Variants in PTPRD observed in about 807,000 individuals in gnomAD.
The protein encoded by PTPRD is protein tyrosine phosphatase receptor type D, also known as receptor-type tyrosine-protein phosphatase delta.
In PTPRD, 34 loss-of-function variants were observed where a neutral mutation model predicts 214.5. The observed-to-expected ratio is 0.16, with a 90% CI of 0.12 to 0.21. The LOEUF (loss-of-function observed/expected upper bound fraction) is 0.21, where lower values mean the gene tolerates loss of function less well. Among genes scored for constraint, PTPRD ranks in the 10% least tolerant of loss-of-function variants. The pLI is 1.00. For synonymous variants in PTPRD, 1,128 were observed against 845.7 expected (o/e 1.33, Z -5.79); for missense variants, 2,545 against 2,398.7 (o/e 1.06, Z -1.27).
At chr9:10,261,955 T>C (rs2154376325) in intron 3 of PTPRD, among the ~76,000 whole-genome samples, 1 of 152,204 alleles carries the variant, frequency 6.6e-6, no homozygotes, top group Middle Eastern at 3.4e-3. Flanking sequence ...AGGAGAAATA[T>C]ATAGATTCAG....
chr9:9,403,888 T>C (rs1288903841), intron 8 of PTPRD, among the ~76,000 whole-genome samples: 3 of 151,846 alleles, frequency 2.0e-5, no homozygotes, highest in African/African-American at 7.3e-5. Context: ...AGATAATTAG[T>C]GAAATGGAGA....
intron 8 of PTPRD, among the ~76,000 whole-genome samples, chr9:9,507,462 T>C (rs1011339685): frequency 6.6e-6 from 1 of 150,956 alleles, no homozygotes; most frequent in Non-Finnish European, 1.5e-5. Context: ...AAAATAAAAA[T>C]ACTCAGCTGA....
intron 9 of PTPRD, among the ~76,000 whole-genome samples, chr9:9,304,343 T>C (rs904167897): frequency 6.6e-6 from 1 of 152,150 alleles, no homozygotes; most frequent in African/African-American, 2.4e-5. Flanking sequence ...TCAAAGAACA[T>C]GACATTTGAG....
chr9:9,013,214 A>G (rs1488006170), intron 11 of PTPRD, among the ~76,000 whole-genome samples: 8 of 152,030 alleles, frequency 5.3e-5, no homozygotes, highest in Admixed American at 5.2e-4. Context: ...AGAATGACTG[A>G]ACTCCGATGA....
At chr9:8,960,017 T>A (rs568486137) in intron 11 of PTPRD, among the ~76,000 whole-genome samples, 1 of 152,038 alleles carries the variant, frequency 6.6e-6, no homozygotes, top group Non-Finnish European at 1.5e-5. Flanking sequence ...TAACGGTTGA[T>A]TTTACAGAAA....
chr9:9,137,479 G>A lies in PTPRD; in HGVS notation c.-143+45825C>T, dbSNP rs548690375. On this transcript the variant is annotated intron_variant, in intron 10 of 45. Coordinates refer to ENST00000381196, the MANE Select transcript of PTPRD (RefSeq NM_002839.4). ...AGTTTTTCTGTCTGAATATATAGGA[G>A]ACTGAATGAAGAGATATATAACCCC... is the stretch of plus-strand genomic sequence containing the variant. Among the ~76,000 whole-genome samples the A allele has an allele frequency of 3.3e-5, 5 of 152,152 alleles. No homozygotes were observed. In the South Asian group the frequency reaches 1.0e-3, roughly 32 times the overall value.
Position 9,282,521 on chromosome 9 carries a change from TGTGA to T in PTPRD, c.-202-99162_-202-99159del, listed in dbSNP as rs1487555278. Among the ~76,000 whole-genome samples, 17 of 151,576 alleles carry T rather than the reference TGTGA, an allele frequency of 1.1e-4. No individual in the cohort carries two copies. The East Asian group carries it at 2.4e-3, about 21-fold the overall frequency. ...GTTTTAGTTTTTCTGCTCTTGTTTA[TGTGA>T]GTATTTAAATTTGTATAAATTCAGT... On this transcript the variant is annotated intron_variant, in intron 9 of 45. Coordinates refer to ENST00000381196, the MANE Select transcript of PTPRD (RefSeq NM_002839.4).
intron 8 of PTPRD, among the ~76,000 whole-genome samples, chr9:9,538,436 A>C (rs2076941537): frequency 6.6e-6 from 1 of 151,920 alleles, no homozygotes; most frequent in East Asian, 1.9e-4. Context: ...CCTCCCTTAG[A>C]ACACATTTTT....
Position 9,914,448 on chromosome 9 carries a change from C to G in PTPRD, c.-368+24059G>C, listed in dbSNP as rs10816230. On this transcript the variant is annotated intron_variant, in intron 5 of 45. Coordinates refer to ENST00000381196, the MANE Select transcript of PTPRD (RefSeq NM_002839.4). ...GTAGCCGTGTAGCCACGTCAGGGGC[C>G]TAAGAAATAACCCTGTGCCTGCACT... Among the ~76,000 whole-genome samples, 19 of 152,120 alleles carry G rather than the reference C, an allele frequency of 1.2e-4. No homozygotes were observed. In the South Asian group the frequency reaches 4.0e-3, roughly 32 times the overall value.
intron 11 of PTPRD, among the ~76,000 whole-genome samples, chr9:8,780,218 T>G (rs1442682715): frequency 6.6e-6 from 1 of 152,152 alleles, no homozygotes; most frequent in African/African-American, 2.4e-5. Context: ...CAGTAAAAAT[T>G]CTAGATAATT....
intron 2 of PTPRD, among the ~76,000 whole-genome samples, chr9:10,407,760 C>T (rs2098387569): frequency 6.6e-6 from 1 of 151,502 alleles, no homozygotes; most frequent in African/African-American, 2.4e-5. Context: ...TGGTAACCTG[C>T]TAGATTACCT....
At chr9:9,398,929 C>A (rs1415101499) in intron 8 of PTPRD, among the ~76,000 whole-genome samples, 1 of 151,942 alleles carries the variant, frequency 6.6e-6, no homozygotes, top group Non-Finnish European at 1.5e-5. Context: ...ATACTCCTAG[C>A]CAACTATGCT....
chr9:9,912,578 T>C (rs73402617), intron 5 of PTPRD, among the ~76,000 whole-genome samples: 3,356 of 152,284 alleles, frequency 0.022, 112 homozygotes, highest in African/African-American at 0.076. Flanking sequence ...GAGAGAAAGC[T>C]GAATAATATT....
intron 11 of PTPRD, among the ~76,000 whole-genome samples, chr9:8,788,277 T>TGTGTG (rs1555340221): frequency 1.7e-5 from 1 of 58,482 alleles, no homozygotes; most frequent in Non-Finnish European, 3.3e-5. Flanking sequence ...TTTTTTTTTT[T>TGTGTG]TGTGTGTGTG....
rs1566997321 is a variant in PTPRD at position 9,998,118 on chromosome 9, A to AT, written c.-472+35599_-472+35600insA. ...TACCCTAGAACTTAAAGTATAATAA[A>AT]AAAAAAAAAAAATATATATATATAT... On this transcript the variant is annotated intron_variant, in intron 4 of 45. Coordinates refer to ENST00000381196, the MANE Select transcript of PTPRD (RefSeq NM_002839.4). Among the ~76,000 whole-genome samples the AT allele has an allele frequency of 2.8e-3, 203 of 72,412 alleles. 5 individuals carry two copies. The East Asian group carries it at 0.039, about 14-fold the overall frequency. 47.5% of individuals were successfully genotyped at this position (72,412 alleles called of 152,430 possible). A position where few individuals can be genotyped will look rare whatever the true frequency, so the allele number is the denominator to read the frequency against.
chr9:9,964,074 A>AGAGACGGAGGCG (rs2094529144), intron 4 of PTPRD, among the ~76,000 whole-genome samples: 1 of 152,086 alleles, frequency 6.6e-6, no homozygotes, highest in Non-Finnish European at 1.5e-5. Flanking sequence ...AGACGGAGGC[A>AGAGACGGAGGCG]GAGACGGAGG....
chr9:10,319,794 A>T (rs2096520736), intron 3 of PTPRD, among the ~76,000 whole-genome samples: 1 of 152,052 alleles, frequency 6.6e-6, no homozygotes, highest in African/African-American at 2.4e-5. Flanking sequence ...AGAGACAGCT[A>T]AATATGTACA....
At position 9,721,732 on chromosome 9, in the gene PTPRD, C is replaced by A. The variant is rs139801141; in HGVS notation, c.-287+12801G>T. ...GATAGACCCTGAGGTCACATAAATTCTTACCCATATCTCACTTGTTTGTCA... is the reference window on the plus strand; with the variant it reads ...GATAGACCCTGAGGTCACATAAATTATTACCCATATCTCACTTGTTTGTCA... On this transcript the variant is annotated intron_variant, in intron 7 of 45. Coordinates refer to ENST00000381196, the MANE Select transcript of PTPRD (RefSeq NM_002839.4). Among the ~76,000 whole-genome samples the A allele has an allele frequency of 5.3e-3, 809 of 152,178 alleles. 5 individuals carry two copies. Among genetic ancestry groups the A allele is most frequent in the Non-Finnish European group, 8.8e-3 (597 of 67,948 alleles).
chr9:10,126,946 C>CTTTTTTTTTTT lies in PTPRD; in HGVS notation c.-544-93167_-544-93157dup, dbSNP rs34691762. On this transcript the variant is annotated intron_variant, in intron 3 of 45. Transcript: ENST00000381196. ...CCTTAGACTCTGAGTCTCAAATGGA[C>CTTTTTTTTTTT]TTTTTTTTTTTTTTTTTGGCAGAAA... Among the ~76,000 whole-genome samples, 61 of 130,558 alleles carry CTTTTTTTTTTT rather than the reference C, an allele frequency of 4.7e-4. 1 individual carries two copies. Among genetic ancestry groups the CTTTTTTTTTTT allele is most frequent in the African/African-American group, 1.7e-3 (55 of 31,744 alleles). 85.7% of individuals were successfully genotyped at this position (130,558 alleles called of 152,430 possible).
Sources: allele counts gnomAD v4.1 joint callset (sites outside exome capture counted in the v4.1 genomes callset), GRCh38; gene constraint gnomAD v4.1.1; transcripts MANE v1.5; gene names NCBI Gene and HGNC (gene_info 2026-07-23, HGNC 2026-07-21).